TENM1: variants seen among roughly 807,000 people sequenced by gnomAD.
The protein encoded by TENM1 is teneurin transmembrane protein 1.
In TENM1, 35 loss-of-function variants were observed where a neutral mutation model predicts 174.8. The ratio of observed to expected loss-of-function variants is 0.20; its 90% CI spans 0.15 to 0.27. The LOEUF (loss-of-function observed/expected upper bound fraction) is 0.27, where lower values mean the gene tolerates loss of function less well. TENM1 is among the 10% of genes least tolerant of loss of function. The pLI is 1.00. For synonymous variants in TENM1, 781 were observed against 798.7 expected, an observed-to-expected ratio of 0.98 and a Z score of 0.37; for missense variants, 1,633 against 2,130.1, an observed-to-expected ratio of 0.77 and a Z score of 4.59.
the TENM1 span, among the ~76,000 whole-genome samples, chrX:125,081,908 T>C: frequency 1.8e-5 from 2 of 111,040 alleles, no homozygotes; most frequent in African/African-American, 3.3e-5. Context: ...AAATATTGCA[T>C]GTTCTCGCTC....
chrX:124,558,866 C>T (rs752121981), intron 14 of TENM1, among the ~76,000 whole-genome samples: 1 of 111,062 alleles, frequency 9.0e-6, no homozygotes, highest in South Asian at 3.8e-4. Context: ...ATATACTGAG[C>T]TCATATTAAG....
rs373973694 is a variant in TENM1 at position 124,857,855 on chromosome X, G to A, written c.535+36441C>T. 3.5e-3 allele frequency among the ~76,000 whole-genome samples: 380 copies of A among 109,947 alleles called. 2 individuals are homozygous for A. Among genetic ancestry groups the A allele is most frequent in the African/African-American group, 0.012 (351 of 30,361 alleles). Reference sequence around the variant, plus strand: ...GGTAGTAACTGATATACATACTAATGCATGTGCATGTGTGTATACACATGC... The same window carrying A: ...GGTAGTAACTGATATACATACTAATACATGTGCATGTGTGTATACACATGC... On this transcript the variant is annotated intron_variant, in intron 3 of 31. Transcript: ENST00000422452.
At chrX:124,984,519 G>A in the TENM1 span, among the ~76,000 whole-genome samples, 1 of 112,021 alleles carries the variant, frequency 8.9e-6, no homozygotes, top group Non-Finnish European at 1.9e-5. Flanking sequence ...ACTGGAGAGT[G>A]CTTTCCTTTG....
chrX:125,189,571 A>G, the TENM1 span, among the ~76,000 whole-genome samples: 1 of 112,017 alleles, frequency 8.9e-6, no homozygotes, highest in Admixed American at 9.5e-5. Context: ...GAGATCATCT[A>G]GCCCAGACCT....
At chrX:124,414,204 A>G (rs1306677332) in intron 25 of TENM1, among the ~76,000 whole-genome samples, 3 of 111,795 alleles carry the variant, frequency 2.7e-5, no homozygotes, top group Non-Finnish European at 5.6e-5. Flanking sequence ...GATCATGTAA[A>G]CGGAGAGTCT....
intron 14 of TENM1, 70 bp downstream of exon 17, chrX:124,561,601 C>T: frequency 8.7e-7 from 1 of 1,152,312 alleles, no homozygotes; most frequent in Non-Finnish European, 1.2e-6. Context: ...CACCCTTGGC[C>T]AGGTTGATTA....
chrX:125,091,565 G>A, the TENM1 span, among the ~76,000 whole-genome samples: 2 of 111,331 alleles, frequency 1.8e-5, no homozygotes, highest in Non-Finnish European at 3.8e-5. Context: ...AGAACAGATG[G>A]CAAGACACCT....
intron 11 of TENM1, among the ~76,000 whole-genome samples, chrX:124,635,989 T>C (rs1320341971): frequency 8.9e-6 from 1 of 112,187 alleles, no homozygotes; most frequent in East Asian, 2.8e-4. Context: ...CTATATCAAA[T>C]ATCATTTTAG....
At chrX:124,882,676 C>T (rs1299021109) in intron 3 of TENM1, among the ~76,000 whole-genome samples, 1 of 112,060 alleles carries the variant, frequency 8.9e-6, no homozygotes, top group South Asian at 3.7e-4. Flanking sequence ...TCTATTTTCT[C>T]TGATATGAGT....
intron 14 of TENM1, among the ~76,000 whole-genome samples, chrX:124,550,740 A>G (rs1412736628): frequency 9.0e-6 from 1 of 111,183 alleles, no homozygotes; most frequent in Non-Finnish European, 1.9e-5. Flanking sequence ...AAAGAAAACA[A>G]AAACAGACTA....
intron 3 of TENM1, among the ~76,000 whole-genome samples, chrX:124,886,225 A>C (rs2057381443): frequency 1.8e-5 from 2 of 110,574 alleles, no homozygotes; most frequent in Non-Finnish European, 3.8e-5. Flanking sequence ...CTTTCACAGT[A>C]ATATACTAAA....
intron 3 of TENM1, among the ~76,000 whole-genome samples, chrX:124,856,088 T>C (rs905055823): frequency 9.0e-6 from 1 of 111,014 alleles, no homozygotes; most frequent in African/African-American, 3.3e-5. Context: ...TTGTGTCCTA[T>C]AGACACATTT....
chrX:124,794,903 C>T (rs777306988), intron 3 of TENM1, among the ~76,000 whole-genome samples: 4 of 110,895 alleles, frequency 3.6e-5, no homozygotes, highest in African/African-American at 1.3e-4. Flanking sequence ...TTGCATATGC[C>T]GGAAAGGGTC....
Position 124,671,879 on chromosome X carries a change from GA to G in TENM1, c.1016-45del, listed in dbSNP as rs1428986019. The G allele has an allele frequency of 5.1e-6, 6 of 1,176,592 alleles. No homozygotes were observed. The African/African-American group carries it at 1.1e-4, about 21-fold the overall frequency. On this transcript the variant is annotated intron_variant, in intron 5 of 31. Coordinates refer to ENST00000422452, the Ensembl canonical transcript of TENM1. ...TACATTAATTTATTCCAGACTCACTGAGAACATCTCCAAGCCAGGTATCCCT... is the reference window on the plus strand; with the variant it reads ...TACATTAATTTATTCCAGACTCACTGGAACATCTCCAAGCCAGGTATCCCT...
At chrX:124,638,143 G>A in intron 11 of TENM1, among the ~76,000 whole-genome samples, 1 of 111,056 alleles carries the variant, frequency 9.0e-6, no homozygotes, top group Non-Finnish European at 1.9e-5. Flanking sequence ...GAAAGGAGTG[G>A]GGTAGGGTTT....
chrX:125,088,431 T>C, the TENM1 span, among the ~76,000 whole-genome samples: 3 of 110,821 alleles, frequency 2.7e-5, no homozygotes, highest in Admixed American at 1.9e-4. Context: ...AATGTATGAG[T>C]GTGGTTCATT....
At chrX:124,835,106 C>T (rs950093573) in intron 3 of TENM1, among the ~76,000 whole-genome samples, 2 of 111,650 alleles carry the variant, frequency 1.8e-5, no homozygotes, top group African/African-American at 6.5e-5. Context: ...TCAATAATTC[C>T]ACGCTCTCTC....
the TENM1 span, among the ~76,000 whole-genome samples, chrX:125,181,966 A>G: frequency 8.9e-6 from 1 of 112,023 alleles, no homozygotes; most frequent in African/African-American, 3.2e-5. Flanking sequence ...CTAGTTTGCC[A>G]TTGCTGTTGT....
intron 3 of TENM1, among the ~76,000 whole-genome samples, chrX:124,791,629 G>A (rs923539924): frequency 9.0e-6 from 1 of 111,635 alleles, no homozygotes; most frequent in African/African-American, 3.3e-5. Flanking sequence ...GAAAGGACCT[G>A]ATAATAAGTG....
Sources: allele counts gnomAD v4.1 joint callset (sites outside exome capture counted in the v4.1 genomes callset), GRCh38; gene constraint gnomAD v4.1.1; transcripts MANE v1.5; gene names NCBI Gene and HGNC (gene_info 2026-07-23, HGNC 2026-07-21).